COL12A1: variants seen among roughly 807,000 people sequenced by gnomAD.
COL12A1 encodes collagen alpha-1(XII) chain.
In COL12A1, 114 loss-of-function variants were observed where a neutral mutation model predicts 349.7. The ratio of observed to expected loss-of-function variants is 0.33; its 90% CI spans 0.28 to 0.38. The LOEUF (loss-of-function observed/expected upper bound fraction) is 0.38. COL12A1 is among the 10% of genes least tolerant of loss of function. COL12A1 has a pLI of 1.00. For missense variants in COL12A1, 3,284 were observed against 3,756.9 expected (o/e 0.87, Z 3.29); for synonymous variants, 1,369 against 1,329.0 (o/e 1.03, Z -0.66).
intron 44 of COL12A1, 41 bp from the exon 45 acceptor site, chr6:75,119,514 C>A: frequency 6.4e-7 from 1 of 1,561,106 alleles, no homozygotes; most frequent in Non-Finnish European, 8.7e-7. Flanking sequence ...TAAGTCATCT[C>A]ATTTTATGTT....
rs138961174 is a variant in COL12A1, at chr6:75,085,271, G to T, written c.*1276C>A. The T allele has an allele frequency of 2.1e-6, 1 of 470,978 alleles. No homozygotes were observed. The highest frequency in any genetic ancestry group is 4.4e-6 in the Non-Finnish European group (1 of 227,068). The allele number at this position is 470,978 out of a possible 1,614,324, so 29.2% of individuals were successfully genotyped here. On this transcript the variant is annotated 3_prime_UTR_variant, in exon 66 of 66. Transcript: ENST00000322507. ...GCTCCTCTGCAGGCTCGTCTGCGCCGTAGTCCTCGTATTCCGCTGTCCGCT... is the reference window on the plus strand; with the variant it reads ...GCTCCTCTGCAGGCTCGTCTGCGCCTTAGTCCTCGTATTCCGCTGTCCGCT...
At chr6:75,132,954 A>C (rs187610438) in intron 34 of COL12A1, among the ~76,000 whole-genome samples, 1 of 152,264 alleles carries the variant, frequency 6.6e-6, no homozygotes, top group Non-Finnish European at 1.5e-5. Context: ...AATTCGCACT[A>C]TGAAAGCCAA....
chr6:75,129,647 G>A (rs955619778), intron 37 of COL12A1, among the ~76,000 whole-genome samples: 5 of 152,140 alleles, frequency 3.3e-5, no homozygotes. Flanking sequence ...TAAGTTTAAA[G>A]AAAAGAGAGA....
intron 38 of COL12A1, among the ~76,000 whole-genome samples, chr6:75,126,848 C>A (rs1481080497): frequency 2.0e-5 from 3 of 152,042 alleles, no homozygotes; most frequent in Non-Finnish European, 1.5e-5. Context: ...TCTAGTCCAA[C>A]CACTTCATCA....
At chr6:75,127,072 A>G (rs1355426008) in intron 38 of COL12A1, among the ~76,000 whole-genome samples, 1 of 152,152 alleles carries the variant, frequency 6.6e-6, no homozygotes, top group Non-Finnish European at 1.5e-5. Flanking sequence ...CAAATAACGA[A>G]TCCAACTTGA....
rs909913796 is a variant in COL12A1 at position 75,177,943 on chromosome 6, A to G, written c.2165-8T>C. The G allele has an allele frequency of 2.5e-6, 4 of 1,579,370 alleles. No individual in the cohort carries two copies. The African/African-American group carries it at 5.5e-5, about 22-fold the overall frequency. Reference sequence around the variant, plus strand: ...TTCGAGGTGCTCCTTTTACTGAAATAAAAAAGGAAAAATAGATTTTAAACC... The same window carrying G: ...TTCGAGGTGCTCCTTTTACTGAAATGAAAAAGGAAAAATAGATTTTAAACC... On this transcript the variant is annotated splice_polypyrimidine_tract_variant and splice_region_variant and intron_variant, in intron 11 of 65. Transcript: ENST00000322507.
Position 75,189,572 on chromosome 6 carries a change from T to C in COL12A1, c.638A>G (p.Lys213Arg). 3.1e-6 allele frequency: 5 copies of C among 1,612,928 alleles called. No individual in the cohort carries two copies. Among genetic ancestry groups the C allele is most frequent in the Non-Finnish European group, 4.2e-6 (5 of 1,179,374 alleles). The stretch of plus-strand genomic sequence containing the variant: ...CATACCTGTCATTGTGTTGCCACCT[T>C]TATATGGAATTTTTTTTATTGCAGC... Reference protein sequence around the residue: ...LLAAIKKIPYKGGNTMTGDAI... With the variant: ...LLAAIKKIPYRGGNTMTGDAI... Residue 213 changes from lysine (K) to arginine (R), a missense_variant, in exon 6 of 66, where the codon AAA (lysine) becomes AGA (arginine). By Grantham distance (26) the Lys-to-Arg change is conservative. This residue lies in a region of COL12A1 where 2,601 missense variants were observed against 2,824.8 expected (regional missense o/e 0.92). Coordinates refer to ENST00000322507, the MANE Select transcript of COL12A1 (RefSeq NM_004370.6).
Position 75,183,225 on chromosome 6 carries a change from A to G in COL12A1, c.1716T>C (p.Phe572=), listed in dbSNP as rs781239880. ...GAACGGCATCCTTCACACCAACTGC[A>G]AAGATTTCAACATCTGAATTCCTCA... The part of the protein sequence containing the change: ...IKLRNSDVEI[F]AVGVKDAVRS... The change falls in exon 10 of 66, where the codon TTT becomes TTC. Residue 572 remains phenylalanine (F), a synonymous_variant. Coordinates refer to ENST00000322507, the MANE Select transcript of COL12A1 (RefSeq NM_004370.6). The G allele has an allele frequency of 6.2e-6, 10 of 1,614,102 alleles. No homozygotes were observed. In the East Asian group the frequency reaches 2.0e-4, roughly 32 times the overall value.
chr6:75,153,601 A>G (rs1203839655), intron 17 of COL12A1, among the ~76,000 whole-genome samples: 1 of 152,172 alleles, frequency 6.6e-6, no homozygotes, highest in Non-Finnish European at 1.5e-5. Context: ...TGTGTCACTC[A>G]TATATTATAT....
chr6:75,162,971 C>G (rs1045337275), intron 14 of COL12A1, among the ~76,000 whole-genome samples: 1 of 152,210 alleles, frequency 6.6e-6, no homozygotes, highest in Non-Finnish European at 1.5e-5. Context: ...GATATCAGCT[C>G]ACACCAGTTA....
rs1016098223 is a variant in COL12A1 at position 75,174,283 on chromosome 6, C to A, written c.2710+755G>T. ...ATAGAAACTTGGATTCTTGGCCAGG[C>A]GCGGTGGCTCAGGCCTGTAATCCCA... is the stretch of plus-strand genomic sequence containing the variant. On this transcript the variant is annotated intron_variant, in intron 13 of 65. Coordinates refer to ENST00000322507, the MANE Select transcript of COL12A1 (RefSeq NM_004370.6). Among the ~76,000 whole-genome samples the A allele has an allele frequency of 3.9e-5, 6 of 152,198 alleles. No individual in the cohort carries two copies. In the South Asian group the frequency reaches 6.2e-4, roughly 16 times the overall value.
At chr6:75,178,404 A>C (rs1769091295) in intron 11 of COL12A1, among the ~76,000 whole-genome samples, 1 of 152,184 alleles carries the variant, frequency 6.6e-6, no homozygotes, top group South Asian at 2.1e-4. Context: ...AGTCCGTCCC[A>C]CACTAACTTT....
chr6:75,103,715 A>G (rs762404319), intron 55 of COL12A1, 42 bp downstream of exon 55: 1 of 1,568,872 alleles, frequency 6.4e-7, no homozygotes, highest in Admixed American at 1.7e-5. Flanking sequence ...CCAGATTTCA[A>G]CATATAGATA....
chr6:75,181,217 T>TG lies in COL12A1; in HGVS notation c.1892-7_1892-6insC, dbSNP rs34433354. 347 of 1,260,014 alleles carry TG rather than the reference T, an allele frequency of 2.8e-4. No individual in the cohort carries two copies. Among genetic ancestry groups the TG allele is most frequent in the Non-Finnish European group, 3.4e-4 (313 of 915,826 alleles). 78.1% of individuals were successfully genotyped at this position (1,260,014 alleles called of 1,614,324 possible). On this transcript the variant is annotated splice_polypyrimidine_tract_variant and splice_region_variant and intron_variant, in intron 10 of 65. Transcript: ENST00000322507. ...ATCCTTTGGAGGGACGTAAGCTATT[T>TG]AAAAAAAAAAAAAGACAGTTAAAAA... is the stretch of plus-strand genomic sequence containing the variant.
intron 22 of COL12A1, 44 bp from the exon 23 acceptor site, chr6:75,147,848 G>T (rs1166600261): frequency 1.9e-6 from 3 of 1,592,180 alleles, no homozygotes; most frequent in Non-Finnish European, 2.6e-6. Context: ...TGTATAATCA[G>T]TTCCCTTTTT....
Position 75,126,392 on chromosome 6 carries a change from G to C in COL12A1, c.6419C>G (p.Pro2140Arg), listed in dbSNP as rs781001617. The C allele has an allele frequency of 1.9e-6, 3 of 1,611,482 alleles. No homozygotes were observed. The East Asian group carries it at 6.7e-5, about 36-fold the overall frequency. The part of the protein sequence containing the change: ...TRFRVSWDPS[P>R]SPVLGYKIVY... ...TATTTTATATCCAAGAACTGGAGAA[G>C]GTGAAGGATCCCAGGACACCCTGAA... Residue 2140 changes from proline (P) to arginine (R), a missense_variant, in exon 39 of 66, where the codon CCT (proline) becomes CGT (arginine). Physicochemically the swap from Pro to Arg is moderately radical, Grantham distance 103 (BLOSUM62 -2). This residue lies in a region of COL12A1 where 2,601 missense variants were observed against 2,824.8 expected (regional missense o/e 0.92). Transcript: ENST00000322507.
chr6:75,192,380 T>A (rs1292672906), intron 3 of COL12A1, 25 bp from the exon 4 acceptor site: 1 of 1,600,030 alleles, frequency 6.2e-7, no homozygotes. Flanking sequence ...AGGAAAAATA[T>A]GAATGCAACA....
rs1430689789 is a variant in COL12A1, at chr6:75,115,885, C to A, written c.7596G>T (p.Lys2532Asn). 3 of 1,613,538 alleles carry A rather than the reference C, an allele frequency of 1.9e-6. No homozygotes were observed. The highest frequency in any genetic ancestry group is 1.1e-5 in the South Asian group (1 of 91,028). The change falls in exon 49 of 66, where the codon AAG (lysine) becomes AAT (asparagine). Residue 2532 changes from lysine (K) to asparagine (N), a missense_variant. By Grantham distance (94) the Lys-to-Asn change is moderately conservative. Around this residue, in one of 2 missense-constraint regions of COL12A1, gnomAD observed 683 missense variants for 932.1 expected, o/e 0.73. Coordinates refer to ENST00000322507, the MANE Select transcript of COL12A1 (RefSeq NM_004370.6). ...ATACTCCTTGTACAGAAGCAAAATTCTTTTCTGTCAGGTTGTATGCTTCAA... is the reference window on the plus strand; with the variant it reads ...ATACTCCTTGTACAGAAGCAAAATTATTTTCTGTCAGGTTGTATGCTTCAA... Reference protein sequence around the residue: ...KMLEAYNLTEKNFASVQGVSL... With the variant: ...KMLEAYNLTENNFASVQGVSL...
rs549842356 is a variant in COL12A1, at chr6:75,138,033, C to A, written c.5251+287G>T. 1.1e-4 allele frequency among the ~76,000 whole-genome samples: 17 copies of A among 152,034 alleles called. 1 individual carries two copies. The South Asian group carries it at 3.1e-3, about 28-fold the overall frequency. ...CACCCAGAAACGAATTGAATAGCACCTTGGTCTTGGACTTCTCAGCCTCCA... is the reference window on the plus strand; with the variant it reads ...CACCCAGAAACGAATTGAATAGCACATTGGTCTTGGACTTCTCAGCCTCCA... On this transcript the variant is annotated intron_variant, in intron 30 of 65. Coordinates refer to ENST00000322507, the MANE Select transcript of COL12A1 (RefSeq NM_004370.6).
Sources: allele counts gnomAD v4.1 joint callset (sites outside exome capture counted in the v4.1 genomes callset), GRCh38; gene constraint gnomAD v4.1.1; regional missense constraint gnomAD v4.1.1; transcripts MANE v1.5; gene names NCBI Gene and HGNC (gene_info 2026-07-23, HGNC 2026-07-21).